The following ADGRV1 variants were observed in gnomAD, a reference collection of about 807,000 sequenced individuals.
ADGRV1 encodes the protein adhesion G protein-coupled receptor V1.
Under a neutral mutation model 596.2 loss-of-function variants are expected in ADGRV1, and 359 were observed. The observed-to-expected ratio is 0.60, with a 90% CI of 0.55 to 0.66. The LOEUF is 0.66. Among genes scored for constraint, ADGRV1 ranks in the 30% least tolerant of loss-of-function variants. The pLI, the probability that ADGRV1 is intolerant of heterozygous loss-of-function variation, is 0.00. For synonymous variants in ADGRV1, 2,681 were observed against 2,679.2 expected (o/e 1.00, Z -0.02); for missense variants, 7,274 against 7,575.6 (o/e 0.96, Z 1.48).
intron 75 of ADGRV1, among the ~76,000 whole-genome samples, chr5:90,818,653 T>C (rs1236043180): frequency 6.6e-6 from 1 of 150,726 alleles, no homozygotes; most frequent in Non-Finnish European, 1.5e-5. Context: ...AAAGGCTTTT[T>C]CTGCATCTAT....
At chr5:90,703,006 A>G (rs552670462) in intron 34 of ADGRV1, among the ~76,000 whole-genome samples, 1 of 152,080 alleles carries the variant, frequency 6.6e-6, no homozygotes, top group African/African-American at 2.4e-5. Flanking sequence ...ACATGTTATG[A>G]TTTTCTTCAC....
At position 90,703,936 on chromosome 5, in the gene ADGRV1, T is replaced by C. The variant is rs1748247733; in HGVS notation, c.8286+141T>C. On this transcript the variant is annotated intron_variant, in intron 35 of 89. Transcript: ENST00000405460. ...CTACTTCGTATGAATTCTTTGATGATGTATTTAATTGTTTTTATCTTCCTT... is the reference window on the plus strand; with the variant it reads ...CTACTTCGTATGAATTCTTTGATGACGTATTTAATTGTTTTTATCTTCCTT... 4.7e-6 allele frequency: 3 copies of C among 640,172 alleles called. No homozygotes were observed. In the East Asian group the frequency reaches 9.0e-5, roughly 19 times the overall value. The allele number at this position is 640,172 out of a possible 1,614,324, so 39.7% of individuals were successfully genotyped here.
At chr5:90,876,396 A>G (rs559898303) in intron 83 of ADGRV1, among the ~76,000 whole-genome samples, 5 of 152,312 alleles carry the variant, frequency 3.3e-5, no homozygotes, top group African/African-American at 1.2e-4. Context: ...ACAATTATAT[A>G]AAAATATCCA....
At chr5:90,788,863 G>GACACACACACACACAC (rs70973708) in intron 68 of ADGRV1, among the ~76,000 whole-genome samples, 1 of 146,940 alleles carries the variant, frequency 6.8e-6, no homozygotes, top group African/African-American at 2.5e-5. Context: ...CACAGACACA[G>GACACACACACACACAC]ACACACACAC....
intron 50 of ADGRV1, among the ~76,000 whole-genome samples, chr5:90,743,929 A>G (rs978624310): frequency 3.9e-5 from 6 of 152,156 alleles, no homozygotes; most frequent in Non-Finnish European, 5.9e-5. Context: ...TAACTTGTGT[A>G]GATATAAATA....
Position 90,778,877 on chromosome 5 carries a change from A to G in ADGRV1, c.12862A>G (p.Ile4288Val), listed in dbSNP as rs765731899. ...VSEAQRVNIT[I>V]IRSSGDFGHV... ...GCATTTTGCATAGGTTAACATCACAATCATCCGTTCCAGTGGAGATTTTGG... is the reference window on the plus strand; with the variant it reads ...GCATTTTGCATAGGTTAACATCACAGTCATCCGTTCCAGTGGAGATTTTGG... The change falls in exon 64 of 90, where the codon ATC becomes GTC. Residue 4288 changes from isoleucine (I) to valine (V), a missense_variant. By Grantham distance (29) the Ile-to-Val change is conservative. Around this residue, in one of 5 missense-constraint regions of ADGRV1, gnomAD observed 3,643 missense variants for 3,809.2 expected, o/e 0.96. Transcript: ENST00000405460. 13 of 1,611,396 alleles carry G rather than the reference A, an allele frequency of 8.1e-6. No individual in the cohort carries two copies. Among genetic ancestry groups the G allele is most frequent in the South Asian group, 4.4e-5 (4 of 90,906 alleles).
chr5:91,022,713 C>T (rs985534170), intron 85 of ADGRV1, among the ~76,000 whole-genome samples: 3 of 152,098 alleles, frequency 2.0e-5, no homozygotes, highest in Admixed American at 2.0e-4. Context: ...CCACTGCGTG[C>T]ATTTGTGGAA....
At chr5:90,913,335 A>C (rs1356654230) in intron 83 of ADGRV1, among the ~76,000 whole-genome samples, 1 of 152,206 alleles carries the variant, frequency 6.6e-6, no homozygotes, top group Non-Finnish European at 1.5e-5. Context: ...ATCTGGCCCA[A>C]AGTACAAGCC....
chr5:90,861,443 G>A (rs913528500), intron 82 of ADGRV1, among the ~76,000 whole-genome samples: 14 of 152,108 alleles, frequency 9.2e-5, no homozygotes, highest in African/African-American at 2.9e-4. Flanking sequence ...CCGGGTAGCT[G>A]GGACTACAGG....
intron 84 of ADGRV1, among the ~76,000 whole-genome samples, chr5:90,969,267 A>T (rs1251325497): frequency 6.6e-6 from 1 of 152,218 alleles, no homozygotes; most frequent in Non-Finnish European, 1.5e-5. Flanking sequence ...GTACATATTT[A>T]CCCATATTAT....
At chr5:90,674,688 C>T (rs1772974673) in intron 23 of ADGRV1, 1 of 153,672 alleles carries the variant, frequency 6.5e-6, no homozygotes, top group African/African-American at 2.4e-5. Context: ...AGATGTCTGT[C>T]CTAGTAAATT....
chr5:90,714,458 A>C (rs1205025369), intron 42 of ADGRV1, among the ~76,000 whole-genome samples: 3 of 151,854 alleles, frequency 2.0e-5, no homozygotes, highest in East Asian at 1.9e-4. Context: ...TTATTATAAA[A>C]ATTTTTTTAA....
At chr5:91,049,227 C>A (rs1786103972) in intron 85 of ADGRV1, among the ~76,000 whole-genome samples, 1 of 152,136 alleles carries the variant, frequency 6.6e-6, no homozygotes, top group Non-Finnish European at 1.5e-5. Flanking sequence ...TGACACAGCA[C>A]TGGTTTATTC....
intron 34 of ADGRV1, among the ~76,000 whole-genome samples, chr5:90,700,000 C>T (rs1393182541): frequency 6.6e-6 from 1 of 152,100 alleles, no homozygotes; most frequent in Non-Finnish European, 1.5e-5. Flanking sequence ...AAGTTGGAGT[C>T]AATTTCTATT....
In ADGRV1 at chr5:91,101,220, T is replaced by C. The variant is rs373589648; in HGVS notation, c.18311-999T>C. 9.8e-5 allele frequency among the ~76,000 whole-genome samples: 15 copies of C among 152,318 alleles called. No homozygotes were observed. In the East Asian group the frequency reaches 2.7e-3, roughly 27 times the overall value. On this transcript the variant is annotated intron_variant, in intron 86 of 89. Transcript: ENST00000405460. ...AATTAATTCAGGGAAAAAAAAACTT[T>C]CTCATTGTACTCTACTTGCACGTCT...
At chr5:90,588,334 A>G (rs1036083497) in intron 1 of ADGRV1, among the ~76,000 whole-genome samples, 3 of 152,248 alleles carry the variant, frequency 2.0e-5, no homozygotes, top group African/African-American at 7.2e-5. Context: ...TAAATGTGTT[A>G]TATATTTAGA....
chr5:90,863,141 A>G lies in ADGRV1; in HGVS notation c.17756-616A>G, dbSNP rs535754794. Among the ~76,000 whole-genome samples, 9 of 152,356 alleles carry G rather than the reference A, an allele frequency of 5.9e-5. No homozygotes were observed. In the South Asian group the frequency reaches 1.9e-3, roughly 32 times the overall value. On this transcript the variant is annotated intron_variant, in intron 82 of 89. Transcript: ENST00000405460. ...AGCACATTTAAGTCTTAAAAGGCAG[A>G]AAATATTTTTAAAACACATGTATAC...
intron 70 of ADGRV1, among the ~76,000 whole-genome samples, chr5:90,799,716 G>T (rs563702055): frequency 2.0e-5 from 3 of 152,086 alleles, no homozygotes; most frequent in African/African-American, 7.2e-5. Context: ...GCATGGTAGT[G>T]GTACCAAAAC....
At chr5:90,645,319 G>C (rs1168513214) in intron 15 of ADGRV1, among the ~76,000 whole-genome samples, 1 of 152,178 alleles carries the variant, frequency 6.6e-6, no homozygotes, top group Non-Finnish European at 1.5e-5. Flanking sequence ...GTGACACTTA[G>C]AACAGCTGTG....
Sources: gnomAD v4.1 joint callset for allele counts (sites outside exome capture counted in the v4.1 genomes callset) on GRCh38, gnomAD v4.1.1 for gene constraint, gnomAD v4.1.1 regional missense constraint, MANE v1.5 for transcripts, NCBI Gene and HGNC (gene_info 2026-07-23, HGNC 2026-07-21) for gene names.